The following VASP variants were observed in gnomAD, a reference collection of about 807,000 sequenced individuals.
VASP encodes vasodilator stimulated phosphoprotein.
In VASP, 27 loss-of-function variants were observed where a neutral mutation model predicts 54.4. The ratio of observed to expected loss-of-function variants is 0.50; its 90% confidence interval spans 0.37 to 0.68. VASP has a LOEUF of 0.68. Ranked by LOEUF, VASP falls within the 30% of genes least tolerant of loss-of-function variation. VASP has a pLI of 0.00. For missense variants in VASP, 488 were observed against 528.3 expected (o/e 0.92, Z 0.75); for synonymous variants, 233 against 209.8 (o/e 1.11, Z -0.96).
At chr19:45,524,810 G>C in intron 11 of VASP, 150 bp downstream of exon 11, 1 of 694,676 alleles carries the variant, frequency 1.4e-6, no homozygotes, top group Non-Finnish European at 2.5e-6. Context: ...AAGGATGACC[G>C]AGACTCCACA....
At chr19:45,510,898 A>G (rs919328764) in intron 1 of VASP, among the ~76,000 whole-genome samples, 1 of 146,254 alleles carries the variant, frequency 6.8e-6, no homozygotes, top group Admixed American at 7.2e-5. Flanking sequence ...TTGCCACTGC[A>G]CTCCAGCCTG....
At chr19:45,511,058 A>C (rs1033539104) in intron 1 of VASP, among the ~76,000 whole-genome samples, 8 of 152,040 alleles carry the variant, frequency 5.3e-5, no homozygotes, top group Non-Finnish European at 1.2e-4. Flanking sequence ...AATGAAACCG[A>C]AGCTGCAACA....
At chr19:45,521,247 G>A in intron 3 of VASP, 75 bp from the exon 4 acceptor site, 2 of 1,419,382 alleles carry the variant, frequency 1.4e-6, no homozygotes, top group Non-Finnish European at 1.9e-6. Flanking sequence ...GGGAGGCCTG[G>A]GAGAGCAAGG....
Position 45,526,230 on chromosome 19 carries a change from C to T in VASP, c.*53C>T. On this transcript the variant is annotated 3_prime_UTR_variant, in exon 13 of 13. Transcript: ENST00000245932. ...CCTTTCCGCACACCCGGCCTGTCAC[C>T]CTGCTTTCCCTGCCTCTACTTGACT... 4 of 1,565,776 alleles carry T rather than the reference C, an allele frequency of 2.6e-6. No individual in the cohort carries two copies. The highest frequency in any genetic ancestry group is 3.4e-6 in the Non-Finnish European group (4 of 1,160,716).
intron 1 of VASP, among the ~76,000 whole-genome samples, chr19:45,510,116 C>A (rs935207295): frequency 3.3e-5 from 5 of 152,210 alleles, no homozygotes; most frequent in African/African-American, 1.2e-4. Flanking sequence ...CTTTCTTCTT[C>A]CAATAATAGC....
In VASP at chr19:45,526,412, G is replaced by GC. The variant is rs1968971116; in HGVS notation, c.*237dup. ...TTTCTCCCTTTGGTCCTTCCCCTCTGCCATCCCCTTGGGGCCGGTCCCTCT... is the reference window on the plus strand; with the variant it reads ...TTTCTCCCTTTGGTCCTTCCCCTCTGCCCATCCCCTTGGGGCCGGTCCCTCT... On this transcript the variant is annotated 3_prime_UTR_variant, in exon 13 of 13. Coordinates refer to ENST00000245932, the MANE Select transcript of VASP (RefSeq NM_003370.4). The GC allele has an allele frequency of 6.0e-6, 3 of 498,710 alleles. No individual in the cohort carries two copies. In the South Asian group the frequency reaches 9.6e-5, roughly 16 times the overall value. The allele number at this position is 498,710 out of a possible 1,614,324, so 30.9% of individuals were successfully genotyped here. A position where few individuals can be genotyped will look rare whatever the true frequency, so the allele number is the denominator to read the frequency against.
chr19:45,507,525 G>A lies in VASP; in HGVS notation c.-247G>A. On this transcript the variant is annotated 5_prime_UTR_variant, in exon 1 of 13. Coordinates refer to ENST00000245932, the MANE Select transcript of VASP (RefSeq NM_003370.4). The surrounding 1 kb of genome is among the most constrained non-coding windows in gnomAD (Gnocchi z 4.4). ...TAGCCGCCACCGGCAAGGGGTGCGCGCTGGGGAGCGGACGCTGCATCCCCT... is the reference window on the plus strand; with the variant it reads ...TAGCCGCCACCGGCAAGGGGTGCGCACTGGGGAGCGGACGCTGCATCCCCT... The A allele has an allele frequency of 2.0e-6, 1 of 508,060 alleles. No individual in the cohort carries two copies. The highest frequency in any genetic ancestry group is 3.5e-6 in the Non-Finnish European group (1 of 288,200). The allele number at this position is 508,060 out of a possible 1,614,324, so 31.5% of individuals were successfully genotyped here. A position where few individuals can be genotyped will look rare whatever the true frequency, so the allele number is the denominator to read the frequency against.
At chr19:45,516,115 C>T (rs1352459545) in intron 1 of VASP, among the ~76,000 whole-genome samples, 2 of 152,168 alleles carry the variant, frequency 1.3e-5, no homozygotes, top group East Asian at 3.9e-4. Context: ...CTGGGGCAGG[C>T]GTTCCTTCAG....
chr19:45,507,571 A>T lies in VASP; in HGVS notation c.-201A>T. The stretch of plus-strand genomic sequence containing the variant: ...CCCCTTTCTGCTGCAGGAACCTCTC[A>T]TCAGACCGCCTGAGGGAAGCGGCGC... On this transcript the variant is annotated 5_prime_UTR_variant, in exon 1 of 13. Transcript: ENST00000245932. The surrounding 1 kb of genome is among the most constrained non-coding windows in gnomAD (Gnocchi z 4.4). 1 of 571,636 alleles carries T rather than the reference A, an allele frequency of 1.7e-6. No homozygotes were observed. Among genetic ancestry groups the T allele is most frequent in the Non-Finnish European group, 3.0e-6 (1 of 337,820 alleles). The allele number at this position is 571,636 out of a possible 1,614,324, so 35.4% of individuals were successfully genotyped here.
chr19:45,521,186 A>G (rs1968823469), intron 3 of VASP, 136 bp from the exon 4 acceptor site: 5 of 861,072 alleles, frequency 5.8e-6, no homozygotes, highest in Non-Finnish European at 9.2e-6. Context: ...CTGGGCCTGG[A>G]GCCTCAGGGC....
chr19:45,508,614 G>A (rs892828685), intron 1 of VASP, among the ~76,000 whole-genome samples: 4 of 152,266 alleles, frequency 2.6e-5, no homozygotes, highest in East Asian at 1.9e-4. Context: ...CAGCTGGTGT[G>A]GGGGGCGGGC....
intron 10 of VASP, 147 bp from the exon 11 acceptor site, chr19:45,524,423 C>CAAA (rs369646184): frequency 0.013 from 8,383 of 653,896 alleles, 2 homozygotes; most frequent in South Asian, 0.03. Context: ...AAACCAAAAC[C>CAAA]AAAAAAAAAA....
At chr19:45,514,717 G>A (rs777212698) in intron 1 of VASP, among the ~76,000 whole-genome samples, 115 of 152,298 alleles carry the variant, frequency 7.6e-4, no homozygotes, top group Non-Finnish European at 1.4e-3. Context: ...GGCCAGAGTC[G>A]GCCCTGGGTG....
intron 4 of VASP, 97 bp downstream of exon 4, chr19:45,521,503 CA>C (rs1287295282): frequency 8.7e-7 from 1 of 1,145,806 alleles, no homozygotes; most frequent in Admixed American, 3.0e-5. Flanking sequence ...AGCCAACTTG[CA>C]GTTTTCAGAA....
At chr19:45,522,104 T>C in intron 4 of VASP, 64 bp from the exon 5 acceptor site, 1 of 1,607,994 alleles carries the variant, frequency 6.2e-7, no homozygotes, top group Non-Finnish European at 8.5e-7. Flanking sequence ...CGGAGGTCGC[T>C]GGCCCCTTCG....
In VASP at chr19:45,526,375, G is replaced by T. The variant is rs753988075; in HGVS notation, c.*198G>T. 3.9e-5 allele frequency: 24 copies of T among 619,548 alleles called. No individual in the cohort carries two copies. The highest frequency in any genetic ancestry group is 6.4e-5 in the East Asian group (2 of 31,392). The allele number at this position is 619,548 out of a possible 1,614,324, so 38.4% of individuals were successfully genotyped here. On this transcript the variant is annotated 3_prime_UTR_variant, in exon 13 of 13. Coordinates refer to ENST00000245932, the MANE Select transcript of VASP (RefSeq NM_003370.4). ...ACACTGGCTGCTGATTGGCTGGGGAGGCCCCCGCCCTTTTCTCCCTTTGGT... is the reference window on the plus strand; with the variant it reads ...ACACTGGCTGCTGATTGGCTGGGGATGCCCCCGCCCTTTTCTCCCTTTGGT...
chr19:45,508,852 G>C (rs1968543439), intron 1 of VASP, among the ~76,000 whole-genome samples: 1 of 152,204 alleles, frequency 6.6e-6, no homozygotes, highest in African/African-American at 2.4e-5. Context: ...GGTCTGGCCG[G>C]GGCCTCCCCC....
At chr19:45,519,048 T>C (rs533613176) in intron 3 of VASP, among the ~76,000 whole-genome samples, 1 of 152,240 alleles carries the variant, frequency 6.6e-6, no homozygotes, top group South Asian at 2.1e-4. Flanking sequence ...AGAGTCTCAC[T>C]CTGTTGCCCA....
intron 3 of VASP, among the ~76,000 whole-genome samples, chr19:45,519,749 C>A (rs560494267): frequency 3.0e-4 from 43 of 142,780 alleles, no homozygotes; most frequent in African/African-American, 1.2e-3. Context: ...GCACCCGCCA[C>A]CACATCCAGC....
Sources: gnomAD v4.1 joint callset for allele counts (sites outside exome capture counted in the v4.1 genomes callset) on GRCh38, gnomAD v4.1.1 for gene constraint, Gnocchi (gnomAD v3.1) non-coding constraint, MANE v1.5 for transcripts, NCBI Gene and HGNC (gene_info 2026-07-23, HGNC 2026-07-21) for gene names.